The following CSMD1 variants were observed in gnomAD, a reference collection of about 807,000 sequenced individuals.
CSMD1 encodes the protein CUB and Sushi multiple domains 1, also known as CUB and sushi domain-containing protein 1.
Under a neutral mutation model 417.5 loss-of-function variants are expected in CSMD1, and 213 were observed. The observed-to-expected ratio is 0.51, with a 90% CI of 0.46 to 0.57. The LOEUF (loss-of-function observed/expected upper bound fraction) is 0.57, where lower values mean the gene tolerates loss of function less well. CSMD1 is among the 20% of genes least tolerant of loss of function. CSMD1 has a pLI of 0.00. For synonymous variants in CSMD1, 2,862 were observed against 1,736.8 expected (o/e 1.65, Z -16.11); for missense variants, 6,923 against 4,529.7 (o/e 1.53, Z -15.17).
intron 10 of CSMD1, among the ~76,000 whole-genome samples, chr8:3,532,152 C>G (rs947146215): frequency 6.6e-6 from 1 of 152,096 alleles, no homozygotes. Context: ...GAAAGGTGTT[C>G]GCTTTGTTTC....
intron 8 of CSMD1, among the ~76,000 whole-genome samples, chr8:3,592,091 GAC>G (rs1277610220): frequency 1.3e-5 from 2 of 152,094 alleles, no homozygotes; most frequent in Non-Finnish European, 2.9e-5. Flanking sequence ...GGATTAGAGA[GAC>G]AGATAAATAG....
intron 5 of CSMD1, among the ~76,000 whole-genome samples, chr8:3,890,689 C>T (rs557103493): frequency 9.9e-5 from 15 of 151,690 alleles, no homozygotes; most frequent in African/African-American, 3.1e-4. Context: ...CAAATGAGTC[C>T]TGCCCCAGAA....
chr8:4,651,136 G>A (rs1250123046), intron 1 of CSMD1, among the ~76,000 whole-genome samples: 1 of 152,104 alleles, frequency 6.6e-6, no homozygotes, highest in Non-Finnish European at 1.5e-5. Flanking sequence ...AGGCTAAAAT[G>A]AGTACTATAG....
At chr8:3,512,786 A>G (rs1797130871) in intron 10 of CSMD1, among the ~76,000 whole-genome samples, 1 of 151,190 alleles carries the variant, frequency 6.6e-6, no homozygotes, top group Non-Finnish European at 1.5e-5. Flanking sequence ...TTTATTTTTT[A>G]CTAGAGACAG....
chr8:4,926,087 G>C (rs1389765592), intron 1 of CSMD1, among the ~76,000 whole-genome samples: 2 of 152,072 alleles, frequency 1.3e-5, no homozygotes, highest in South Asian at 2.1e-4. Flanking sequence ...TTATTCTTTT[G>C]AATTGTTTTT....
intron 5 of CSMD1, among the ~76,000 whole-genome samples, chr8:3,943,913 G>A (rs770330110): frequency 6.6e-6 from 1 of 152,070 alleles, no homozygotes; most frequent in African/African-American, 2.4e-5. Context: ...GCTGAATTAG[G>A]TTCTGAGCCA....
rs1035990521 is a variant in CSMD1 at position 3,106,928 on chromosome 8, A to C, written c.6836-287T>G. ...TTCCCTTCCCCAGTGATTGCTGACG[A>C]AAAGAAAAAAAAAGTAAAGTAGAAG... is the stretch of plus-strand genomic sequence containing the variant. On this transcript the variant is annotated intron_variant, in intron 45 of 69. Transcript: ENST00000635120. The C allele has an allele frequency of 1.1e-4, 29 of 266,654 alleles. 1 individual carries two copies. Among genetic ancestry groups the C allele is most frequent in the African/African-American group, 6.0e-4 (27 of 45,178 alleles). The allele number at this position is 266,654 out of a possible 1,614,324, so 16.5% of individuals were successfully genotyped here.
At chr8:4,608,816 T>G (rs754730142) in intron 2 of CSMD1, among the ~76,000 whole-genome samples, 1 of 152,208 alleles carries the variant, frequency 6.6e-6, no homozygotes, top group Non-Finnish European at 1.5e-5. Context: ...ATAAGCATGC[T>G]AAGGCATATG....
At chr8:4,179,227 GAGATATAAAT>G in intron 3 of CSMD1, among the ~76,000 whole-genome samples, 2 of 152,132 alleles carry the variant, frequency 1.3e-5, no homozygotes, top group African/African-American at 4.8e-5. Flanking sequence ...TACCAAAACA[GAGATATAAAT>G]CAATGGAACA....
chr8:4,438,044 A>G lies in CSMD1; in HGVS notation c.303-17979T>C, dbSNP rs554840936. On this transcript the variant is annotated intron_variant, in intron 2 of 69. Transcript: ENST00000635120. ...GGCATGGAATACTTCCAAGCCTCTT[A>G]GCTATGAAGGAACAGCCAATATTCA... is the stretch of plus-strand genomic sequence containing the variant. Among the ~76,000 whole-genome samples the G allele has an allele frequency of 3.0e-4, 46 of 152,290 alleles. No individual in the cohort carries two copies. In the East Asian group the frequency reaches 7.1e-3, roughly 24 times the overall value.
intron 4 of CSMD1, among the ~76,000 whole-genome samples, chr8:4,002,500 T>G (rs1815767354): frequency 6.6e-6 from 1 of 152,206 alleles, no homozygotes; most frequent in Non-Finnish European, 1.5e-5. Context: ...ATCAATTTTA[T>G]AAATAATGCC....
intron 12 of CSMD1, among the ~76,000 whole-genome samples, chr8:3,424,129 A>C (rs184192548): frequency 1.9e-4 from 29 of 152,320 alleles, no homozygotes; most frequent in Admixed American, 5.2e-4. Context: ...CAGTATAGGA[A>C]GCTCATTTGT....
At position 4,917,690 on chromosome 8, in the gene CSMD1, G is replaced by A. The variant is rs138430696; in HGVS notation, c.85+76642C>T. ...AATAAAATAAGAGATTTGGATGGGG[G>A]CATAGAGACAAACCGTATCAGTGGG... On this transcript the variant is annotated intron_variant, in intron 1 of 69. Transcript: ENST00000635120. 2.3e-4 allele frequency among the ~76,000 whole-genome samples: 35 copies of A among 152,218 alleles called. No homozygotes were observed. In the East Asian group the frequency reaches 6.4e-3, roughly 28 times the overall value.
At chr8:3,868,071 A>T (rs1156545820) in intron 5 of CSMD1, among the ~76,000 whole-genome samples, 1 of 152,006 alleles carries the variant, frequency 6.6e-6, no homozygotes, top group Non-Finnish European at 1.5e-5. Flanking sequence ...CCATTGCCAT[A>T]TCTCTCATGA....
chr8:4,993,073 T>C (rs1483300022), intron 1 of CSMD1, among the ~76,000 whole-genome samples: 1 of 151,968 alleles, frequency 6.6e-6, no homozygotes. Flanking sequence ...CCAGATACAG[T>C]CCTCCTTCGC....
chr8:3,222,144 C>T (rs561853630), intron 28 of CSMD1, among the ~76,000 whole-genome samples: 1 of 152,230 alleles, frequency 6.6e-6, no homozygotes, highest in Non-Finnish European at 1.5e-5. Context: ...GCTAATAAGT[C>T]ATAATCTATG....
intron 2 of CSMD1, among the ~76,000 whole-genome samples, chr8:4,463,786 T>G (rs568700462): frequency 6.6e-6 from 1 of 152,190 alleles, no homozygotes; most frequent in African/African-American, 2.4e-5. Context: ...GATACTGGGT[T>G]TTTTGCATTA....
chr8:3,502,107 C>A (rs546256861), intron 10 of CSMD1, among the ~76,000 whole-genome samples: 1 of 152,170 alleles, frequency 6.6e-6, no homozygotes, highest in East Asian at 1.9e-4. Flanking sequence ...TATGTCCACA[C>A]AAATCCCAGC....
At chr8:3,593,423 G>C (rs533725700) in intron 8 of CSMD1, among the ~76,000 whole-genome samples, 1 of 152,296 alleles carries the variant, frequency 6.6e-6, no homozygotes, top group African/African-American at 2.4e-5. Flanking sequence ...TGCCTCCAGG[G>C]CAGAGGCCTA....
Sources: allele counts gnomAD v4.1 joint callset (sites outside exome capture counted in the v4.1 genomes callset), GRCh38; gene constraint gnomAD v4.1.1; transcripts MANE v1.5; gene names NCBI Gene and HGNC (gene_info 2026-07-23, HGNC 2026-07-21).